The following PLAC1 variants were observed in gnomAD, a reference collection of about 807,000 sequenced individuals.
The protein encoded by PLAC1 is placenta associated 1.
For synonymous variants in PLAC1, 68 were observed against 62.1 expected (o/e 1.09, Z -0.44); for missense variants, 136 against 163.2 (o/e 0.83, Z 0.91).
intron 1 of PLAC1, among the ~76,000 whole-genome samples, chrX:134,633,427 G>A (rs777060252): frequency 4.5e-5 from 5 of 111,758 alleles, no homozygotes; most frequent in Admixed American, 2.8e-4. Flanking sequence ...TCCAGTAGGC[G>A]TATAGTTGGA....
intron 1 of PLAC1, among the ~76,000 whole-genome samples, chrX:134,629,268 G>T (rs1247965681): frequency 8.9e-6 from 1 of 111,889 alleles, no homozygotes; most frequent in Non-Finnish European, 1.9e-5. Context: ...TTGCACTGAT[G>T]ATTGCAGCAT....
intron 2 of PLAC1, among the ~76,000 whole-genome samples, chrX:134,579,263 C>T (rs1191247958): frequency 2.7e-5 from 3 of 111,091 alleles, no homozygotes; most frequent in African/African-American, 9.8e-5. Context: ...AAACGGGGGT[C>T]CCAGAAGGGC....
chrX:134,734,370 GC>G (rs1260310983), intron 1 of PLAC1, among the ~76,000 whole-genome samples: 1 of 112,741 alleles, frequency 8.9e-6, no homozygotes, highest in Non-Finnish European at 1.9e-5. Flanking sequence ...GGGCCGGGGG[GC>G]TCCCCACAGC....
At chrX:134,753,717 T>C (rs1371435456) in intron 1 of PLAC1, among the ~76,000 whole-genome samples, 1 of 111,343 alleles carries the variant, frequency 9.0e-6, no homozygotes, top group Non-Finnish European at 1.9e-5. Context: ...ACATTTCTCA[T>C]CCAAACTAAA....
At chrX:134,640,913 A>G (rs2078304712) in intron 1 of PLAC1, among the ~76,000 whole-genome samples, 1 of 111,690 alleles carries the variant, frequency 9.0e-6, no homozygotes, top group Non-Finnish European at 1.9e-5. Flanking sequence ...GGAGTTTCAG[A>G]CCAGCTTGGG....
chrX:134,724,876 C>A (rs1206567727), intron 2 of PLAC1, among the ~76,000 whole-genome samples: 1 of 110,634 alleles, frequency 9.0e-6, no homozygotes, highest in Non-Finnish European at 1.9e-5. Context: ...TGGTGGAGTG[C>A]ACCTGTAGTC....
At chrX:134,678,291 C>T (rs2078482282) in intron 2 of PLAC1, among the ~76,000 whole-genome samples, 1 of 111,852 alleles carries the variant, frequency 8.9e-6, no homozygotes, top group South Asian at 3.8e-4. Flanking sequence ...CATTTCCTGC[C>T]ACTCTTCTGG....
intron 1 of PLAC1, among the ~76,000 whole-genome samples, chrX:134,735,658 AAGAG>A (rs369034725): frequency 8.9e-4 from 94 of 105,834 alleles, no homozygotes; most frequent in South Asian, 8.2e-3. Flanking sequence ...AAGAGAGAGG[AAGAG>A]AGAGAGAGAG....
At chrX:134,696,576 A>G (rs1253315726) in intron 2 of PLAC1, among the ~76,000 whole-genome samples, 1 of 111,836 alleles carries the variant, frequency 8.9e-6, no homozygotes, top group Non-Finnish European at 1.9e-5. Context: ...TGGGAGTCGT[A>G]GCTTGGCTCC....
intron 2 of PLAC1, among the ~76,000 whole-genome samples, chrX:134,681,173 C>T: frequency 9.0e-6 from 1 of 111,643 alleles, no homozygotes; most frequent in Admixed American, 9.5e-5. Context: ...AACTGGAAAT[C>T]ATTTTACCTA....
At chrX:134,663,927 G>GA (rs201126553) in intron 2 of PLAC1, among the ~76,000 whole-genome samples, 89 of 100,954 alleles carry the variant, frequency 8.8e-4, no homozygotes, top group Admixed American at 2.8e-3. Flanking sequence ...TCTGCTAACA[G>GA]AAAAAAAAAA....
intron 2 of PLAC1, among the ~76,000 whole-genome samples, chrX:134,706,517 T>C (rs2078605167): frequency 8.9e-6 from 1 of 112,009 alleles, no homozygotes. Context: ...ATGTCAAAGT[T>C]GAATAAAAAA....
intron 2 of PLAC1, among the ~76,000 whole-genome samples, chrX:134,597,354 T>C (rs771934826): frequency 1.3e-4 from 15 of 112,416 alleles, no homozygotes; most frequent in Non-Finnish European, 2.6e-4. Flanking sequence ...TATTCTTATT[T>C]GCTTACTGAG....
In PLAC1 at chrX:134,627,171, G is replaced by C. The variant is rs148711645; in HGVS notation, c.-130-25049C>G. ...CCATTTGAAAATGGTTCCCAAAAGGGTTACTGTGTCTTCTGTTCCCTTTCT... is the reference window on the plus strand; with the variant it reads ...CCATTTGAAAATGGTTCCCAAAAGGCTTACTGTGTCTTCTGTTCCCTTTCT... On this transcript the variant is annotated intron_variant, in intron 1 of 2. Coordinates refer to ENST00000359237, the MANE Select transcript of PLAC1 (RefSeq NM_021796.4). Among the ~76,000 whole-genome samples the C allele has an allele frequency of 8.6e-4, 96 of 111,899 alleles. 1 individual carries two copies. The highest frequency in any genetic ancestry group is 2.9e-3 in the African/African-American group (88 of 30,825).
chrX:134,694,460 G>A (rs759094140), intron 2 of PLAC1, among the ~76,000 whole-genome samples: 2 of 111,610 alleles, frequency 1.8e-5, no homozygotes, highest in East Asian at 5.6e-4. Flanking sequence ...ATTTCCTATT[G>A]ATGCCTGTTC....
upstream of PLAC1, among the ~76,000 whole-genome samples, chrX:134,662,676 T>A (rs1269284156): frequency 5.3e-5 from 6 of 112,366 alleles, no homozygotes; most frequent in Non-Finnish European, 1.1e-4. Flanking sequence ...ATGCCTGTAA[T>A]CTCAGCACTT....
chrX:134,668,179 A>G (rs2078443597), intron 2 of PLAC1, among the ~76,000 whole-genome samples: 1 of 112,507 alleles, frequency 8.9e-6, no homozygotes, highest in Admixed American at 9.4e-5. Flanking sequence ...TGCATACTAC[A>G]ACATGGATGA....
chrX:134,752,157 T>A (rs1430588979), intron 1 of PLAC1, among the ~76,000 whole-genome samples: 1 of 112,399 alleles, frequency 8.9e-6, no homozygotes, highest in Non-Finnish European at 1.9e-5. Context: ...TTTGTCCATA[T>A]AACAATTCTG....
intron 1 of PLAC1, among the ~76,000 whole-genome samples, chrX:134,632,656 G>C (rs2078267818): frequency 8.9e-6 from 1 of 111,981 alleles, no homozygotes; most frequent in Non-Finnish European, 1.9e-5. Context: ...CTGACCACGT[G>C]TTAAACCCTT....
Sources: allele counts gnomAD v4.1 joint callset (sites outside exome capture counted in the v4.1 genomes callset), GRCh38; gene constraint gnomAD v4.1.1; transcripts MANE v1.5; gene names NCBI Gene and HGNC (gene_info 2026-07-23, HGNC 2026-07-21).